The following KDM4C variants were observed in gnomAD, a reference collection of about 807,000 sequenced individuals.
The protein encoded by KDM4C is lysine demethylase 4C, also known as lysine-specific demethylase 4C.
KDM4C carries 81 observed loss-of-function variants against 129.3 expected under a neutral mutation model. The observed-to-expected ratio is 0.63, with a 90% CI of 0.52 to 0.75. KDM4C has a LOEUF of 0.75. KDM4C is among the 30% of genes least tolerant of loss of function. The probability of loss-of-function intolerance (pLI) is 0.00; values close to 1 mark genes in which losing one functional copy is unlikely to be tolerated. For missense variants in KDM4C, 1,457 were observed against 1,304.0 expected (o/e 1.12, Z -1.81); for synonymous variants, 573 against 456.1 (o/e 1.26, Z -3.26).
chr9:7,127,580 G>GT (rs1294308087), intron 18 of KDM4C, among the ~76,000 whole-genome samples: 1 of 152,124 alleles, frequency 6.6e-6, no homozygotes, highest in Non-Finnish European at 1.5e-5. Context: ...GCCTAAAGAG[G>GT]TGTGGCAACT....
chr9:7,099,724 C>T (rs1246405686), intron 17 of KDM4C, among the ~76,000 whole-genome samples: 3 of 152,120 alleles, frequency 2.0e-5, no homozygotes, highest in African/African-American at 2.4e-5. Context: ...AATCCTGGGG[C>T]GGAAGAGAGC....
intron 17 of KDM4C, among the ~76,000 whole-genome samples, chr9:7,100,181 G>T (rs1423068900): frequency 1.3e-5 from 2 of 152,154 alleles, no homozygotes; most frequent in South Asian, 4.1e-4. Flanking sequence ...CAAATTGCTT[G>T]AGCTCAGGAT....
rs185805571 is a variant in KDM4C, at chr9:7,123,494, C to G, written c.2611-4572C>G. On this transcript the variant is annotated intron_variant, in intron 18 of 21. Coordinates refer to ENST00000381309, the MANE Select transcript of KDM4C (RefSeq NM_015061.6). Reference sequence around the variant, plus strand: ...GGAGCAGATAGAATTCATTCCTCTTCCATTTTGAAAGTTTGTCTGTGCCTA... The same window carrying G: ...GGAGCAGATAGAATTCATTCCTCTTGCATTTTGAAAGTTTGTCTGTGCCTA... Among the ~76,000 whole-genome samples the G allele has an allele frequency of 1.9e-3, 293 of 152,290 alleles. 4 individuals carry two copies. The highest frequency in any genetic ancestry group is 0.019 in the Admixed American group (292 of 15,300).
Position 6,954,258 on chromosome 9 carries a change from C to T in KDM4C, c.922-26667C>T, listed in dbSNP as rs543747378. ...CAATATGACTTTCTCCTCTTTTCTC[C>T]TGAGACTCTTGGAATGTCTGCTTAG... On this transcript the variant is annotated intron_variant, in intron 8 of 21. Transcript: ENST00000381309. Among the ~76,000 whole-genome samples the T allele has an allele frequency of 2.0e-4, 31 of 152,262 alleles. No individual in the cohort carries two copies. The South Asian group carries it at 6.0e-3, about 30-fold the overall frequency.
chr9:6,785,332 C>A (rs1825245428), intron 1 of KDM4C, among the ~76,000 whole-genome samples: 2 of 145,562 alleles, frequency 1.4e-5, no homozygotes, highest in South Asian at 2.1e-4. Context: ...TGTCTCTTCT[C>A]CTCTTCCTCT....
chr9:6,780,167 G>A (rs891713055), intron 1 of KDM4C, among the ~76,000 whole-genome samples: 4 of 152,008 alleles, frequency 2.6e-5, no homozygotes, highest in Non-Finnish European at 4.4e-5. Context: ...TACTCAGCAG[G>A]TCAACAGTAT....
At chr9:6,925,690 TA>T in intron 8 of KDM4C, 1 of 959,974 alleles carries the variant, frequency 1.0e-6, no homozygotes, top group Non-Finnish European at 1.2e-6. Context: ...ATTTTCCAAT[TA>T]GTTCTGTTTT....
intron 19 of KDM4C, among the ~76,000 whole-genome samples, chr9:7,135,600 G>A (rs1841116960): frequency 7.0e-6 from 1 of 142,170 alleles, no homozygotes; most frequent in Non-Finnish European, 1.5e-5. Flanking sequence ...TGTCCGTTCT[G>A]AGCTATGTGT....
At chr9:6,740,614 G>A (rs1432765962) in intron 1 of KDM4C, among the ~76,000 whole-genome samples, 2 of 152,090 alleles carry the variant, frequency 1.3e-5, no homozygotes, top group South Asian at 2.1e-4. Context: ...CATCTCCTGG[G>A]TTCAAGCGAT....
chr9:7,056,181 A>G (rs1327457752), intron 17 of KDM4C, among the ~76,000 whole-genome samples: 1 of 152,228 alleles, frequency 6.6e-6, no homozygotes, highest in Admixed American at 6.5e-5. Context: ...ATTCTAAAGG[A>G]GGAGTAAGAG....
At chr9:7,142,146 T>C (rs1456678600) in intron 19 of KDM4C, among the ~76,000 whole-genome samples, 1 of 152,240 alleles carries the variant, frequency 6.6e-6, no homozygotes, top group Non-Finnish European at 1.5e-5. Flanking sequence ...TATGTAGACT[T>C]GGCCTCACTA....
rs965844777 is a variant in KDM4C, at chr9:6,945,534, C to T, written c.922-35391C>T. On this transcript the variant is annotated intron_variant, in intron 8 of 21. Transcript: ENST00000381309. ...TTAAATTAATTAATTTTGACAAAAT[C>T]ATCTTTTAAGTAGGATCTACTTGAG... Among the ~76,000 whole-genome samples, 14 of 152,076 alleles carry T rather than the reference C, an allele frequency of 9.2e-5. 1 individual carries two copies.
At chr9:7,168,124 G>A (rs1451618793) in intron 20 of KDM4C, among the ~76,000 whole-genome samples, 1 of 152,172 alleles carries the variant, frequency 6.6e-6, no homozygotes, top group African/African-American at 2.4e-5. Context: ...GGAGGCAGAG[G>A]TTGCAGTGAG....
intron 3 of KDM4C, among the ~76,000 whole-genome samples, chr9:6,810,122 A>G (rs774578332): frequency 8.5e-5 from 13 of 152,240 alleles, no homozygotes; most frequent in Non-Finnish European, 1.5e-4. Context: ...CTCTTGTTAT[A>G]AAGAAACTTT....
At chr9:6,815,594 G>A (rs1179231633) in intron 4 of KDM4C, among the ~76,000 whole-genome samples, 1 of 152,090 alleles carries the variant, frequency 6.6e-6, no homozygotes, top group Non-Finnish European at 1.5e-5. Flanking sequence ...ATTCACTTAG[G>A]TTCACTAGTA....
intron 1 of KDM4C, chr9:6,721,024 G>A (rs1427205082): frequency 3.2e-6 from 5 of 1,545,236 alleles, no homozygotes; most frequent in South Asian, 1.2e-5. Flanking sequence ...ACATAATCCA[G>A]GACACTTTGT....
In KDM4C at chr9:7,128,080, C is replaced by A; in HGVS notation, c.2625C>A (p.Cys875Ter). 1 of 1,572,744 alleles carries A rather than the reference C, an allele frequency of 6.4e-7. No homozygotes were observed. The highest frequency in any genetic ancestry group is 1.2e-5 in the South Asian group (1 of 82,826). The change falls in exon 19 of 22, where the codon TGC (cysteine) becomes TGA (stop). Residue 875 changes from cysteine to a stop codon, truncating the protein, a stop_gained. Coordinates refer to ENST00000381309, the MANE Select transcript of KDM4C (RefSeq NM_015061.6). LOFTEE classifies it high-confidence loss of function. ...KVNPNVKSKA[C>*]EKVISVGQTV... Reference sequence around the variant, plus strand: ...CCTTCTTTTAGAAGTCCAAGGCTTGCGAGAAGGTCATTTCCGTGGGTCAAA... The same window carrying A: ...CCTTCTTTTAGAAGTCCAAGGCTTGAGAGAAGGTCATTTCCGTGGGTCAAA...
At chr9:6,991,200 T>A (rs1818679287) in intron 12 of KDM4C, among the ~76,000 whole-genome samples, 1 of 152,004 alleles carries the variant, frequency 6.6e-6, no homozygotes, top group African/African-American at 2.4e-5. Context: ...TACCTCAGCC[T>A]CCCAAGCAGC....
intron 8 of KDM4C, among the ~76,000 whole-genome samples, chr9:6,939,824 A>G (rs775759783): frequency 4.6e-5 from 7 of 152,210 alleles, no homozygotes; most frequent in Non-Finnish European, 8.8e-5. Flanking sequence ...TGGCATTTAT[A>G]TATGTTATTT....
Sources: allele counts gnomAD v4.1 joint callset (sites outside exome capture counted in the v4.1 genomes callset), GRCh38; gene constraint gnomAD v4.1.1; transcripts MANE v1.5; gene names NCBI Gene and HGNC (gene_info 2026-07-23, HGNC 2026-07-21).